Variants in RFTN2 observed in about 807,000 individuals in gnomAD.
RFTN2 encodes the protein raftlin-2.
In RFTN2, 34 loss-of-function variants were observed where a neutral mutation model predicts 52.7. The ratio of observed to expected loss-of-function variants is 0.64; its 90% CI spans 0.49 to 0.86. The LOEUF (loss-of-function observed/expected upper bound fraction) is 0.86. Ranked by LOEUF, RFTN2 falls within the 40% of genes least tolerant of loss-of-function variation. RFTN2 has a pLI of 0.00. For missense variants in RFTN2, 536 were observed against 600.1 expected (o/e 0.89, Z 1.12); for synonymous variants, 203 against 217.7 (o/e 0.93, Z 0.59).
chr2:197,603,396 T>G lies in RFTN2; in HGVS notation c.1155-7327A>C, dbSNP rs186197834. Among the ~76,000 whole-genome samples, 402 of 152,306 alleles carry G rather than the reference T, an allele frequency of 2.6e-3. 3 individuals are homozygous for G. The highest frequency in any genetic ancestry group is 4.2e-3 in the Non-Finnish European group (288 of 68,024). On this transcript the variant is annotated intron_variant, in intron 7 of 8. Transcript: ENST00000295049. ...GTAAAAAGACAAGCCACAGAATTAGTGAAGATAATTGCAGCATGCATAACA... is the reference window on the plus strand; with the variant it reads ...GTAAAAAGACAAGCCACAGAATTAGGGAAGATAATTGCAGCATGCATAACA...
At chr2:197,659,516 A>G (rs1438917730) in intron 1 of RFTN2, among the ~76,000 whole-genome samples, 1 of 150,468 alleles carries the variant, frequency 6.6e-6, no homozygotes, top group Non-Finnish European at 1.5e-5. Context: ...TTATTTCCTC[A>G]GATAAAAATA....
intron 5 of RFTN2, among the ~76,000 whole-genome samples, chr2:197,628,524 A>G (rs2088406629): frequency 6.6e-6 from 1 of 152,246 alleles, no homozygotes; most frequent in African/African-American, 2.4e-5. Context: ...GATTGTGAAA[A>G]GTGTATGTTT....
At chr2:197,667,569 A>G (rs1359061194) in intron 1 of RFTN2, among the ~76,000 whole-genome samples, 2 of 152,184 alleles carry the variant, frequency 1.3e-5, no homozygotes, top group East Asian at 3.9e-4. Flanking sequence ...ACTTCTTCCA[A>G]TTTTTTGAAC....
chr2:197,573,920 CAGAAGTCAGGAAATGGGGTT>C (rs1416378942), intron 8 of RFTN2, among the ~76,000 whole-genome samples: 4 of 152,204 alleles, frequency 2.6e-5, no homozygotes, highest in African/African-American at 9.6e-5. Flanking sequence ...TGTGGGTACA[CAGAAGTCAGGAAATGGGGTT>C]TGGGAACCTC....
chr2:197,591,850 G>C (rs1015704914), intron 8 of RFTN2, among the ~76,000 whole-genome samples: 1 of 151,630 alleles, frequency 6.6e-6, no homozygotes, highest in Non-Finnish European at 1.5e-5. Context: ...TGGGCCCACC[G>C]AGCCCACGCC....
At chr2:197,646,461 C>G (rs2088749812) in intron 2 of RFTN2, 22 bp downstream of exon 2, 5 of 1,585,174 alleles carry the variant, frequency 3.2e-6, no homozygotes, top group Non-Finnish European at 4.3e-6. Flanking sequence ...TCACCTGCCT[C>G]TTTCTTGAAT....
rs1025088629 is a variant in RFTN2 at position 197,570,113 on chromosome 2, T to A, written c.*1895A>T. The A allele has an allele frequency of 1.3e-5, 2 of 152,154 alleles. No individual in the cohort carries two copies. The highest frequency in any genetic ancestry group is 2.9e-5 in the Non-Finnish European group (2 of 68,044). The allele number at this position is 152,154 out of a possible 1,614,324, so 9.4% of individuals were successfully genotyped here. On this transcript the variant is annotated 3_prime_UTR_variant, in exon 9 of 9. Coordinates refer to ENST00000295049, the MANE Select transcript of RFTN2 (RefSeq NM_144629.3). ...GGGAAAAACAGATCTTTCTGATTTG[T>A]TCTTTGTGCTTCCTAACTTCATTAC...
intron 1 of RFTN2, among the ~76,000 whole-genome samples, chr2:197,658,474 G>A (rs2088926041): frequency 6.6e-6 from 1 of 151,394 alleles, no homozygotes; most frequent in African/African-American, 2.4e-5. Flanking sequence ...TTTGGCAGAG[G>A]TGGGGTTTCT....
At chr2:197,659,983 T>A (rs1301075628) in intron 1 of RFTN2, among the ~76,000 whole-genome samples, 1 of 152,242 alleles carries the variant, frequency 6.6e-6, no homozygotes, top group Non-Finnish European at 1.5e-5. Flanking sequence ...TGCCAATTCT[T>A]AATTACTCAT....
At chr2:197,615,634 T>A (rs1458226683) in intron 7 of RFTN2, among the ~76,000 whole-genome samples, 5 of 152,208 alleles carry the variant, frequency 3.3e-5, no homozygotes, top group African/African-American at 1.2e-4. Context: ...TACTGTGTCC[T>A]AAACCTGGCT....
chr2:197,614,542 A>G (rs937256760), intron 7 of RFTN2, among the ~76,000 whole-genome samples: 2 of 152,226 alleles, frequency 1.3e-5, no homozygotes, highest in African/African-American at 4.8e-5. Context: ...CCCTCTGCAG[A>G]TGGCAAAACT....
intron 5 of RFTN2, 126 bp from the exon 6 acceptor site, chr2:197,618,047 G>GCCCCCT (rs911311374): frequency 1.7e-5 from 10 of 581,478 alleles, no homozygotes; most frequent in African/African-American, 6.6e-5. Context: ...AACATTTGTT[G>GCCCCCT]CCCCCTCCCC....
chr2:197,594,162 C>T (rs1022282846), intron 8 of RFTN2, among the ~76,000 whole-genome samples: 6 of 150,808 alleles, frequency 4.0e-5, no homozygotes, highest in East Asian at 4.1e-4. Context: ...ACGACAGGCA[C>T]GTGCCACCAC....
chr2:197,590,955 T>TTGCCACTGCTGGC (rs1490439506), intron 8 of RFTN2, among the ~76,000 whole-genome samples: 7 of 152,214 alleles, frequency 4.6e-5, no homozygotes, highest in Non-Finnish European at 8.8e-5. Context: ...GCCCAGCAGG[T>TTGCCACTGCTGGC]TGCCACTGCT....
intron 8 of RFTN2, among the ~76,000 whole-genome samples, chr2:197,577,568 G>T (rs1445560060): frequency 6.6e-6 from 1 of 152,246 alleles, no homozygotes; most frequent in Non-Finnish European, 1.5e-5. Context: ...GCATTGGTCA[G>T]CAAGGATACA....
chr2:197,632,450 T>C (rs1445121219), intron 4 of RFTN2, among the ~76,000 whole-genome samples: 1 of 152,214 alleles, frequency 6.6e-6, no homozygotes, highest in African/African-American at 2.4e-5. Context: ...CCTGCCACCA[T>C]GTGAAGAAGG....
intron 4 of RFTN2, among the ~76,000 whole-genome samples, chr2:197,631,802 C>T (rs932309233): frequency 6.6e-6 from 1 of 152,136 alleles, no homozygotes; most frequent in East Asian, 1.9e-4. Flanking sequence ...ATATCTTCTG[C>T]TTTACTAGGA....
intron 1 of RFTN2, among the ~76,000 whole-genome samples, chr2:197,647,369 C>A (rs1373101888): frequency 6.6e-6 from 1 of 152,048 alleles, no homozygotes; most frequent in Non-Finnish European, 1.5e-5. Flanking sequence ...GCCACCACAC[C>A]CGGCTGAGTT....
intron 3 of RFTN2, among the ~76,000 whole-genome samples, chr2:197,642,934 G>A (rs1470930545): frequency 6.6e-6 from 1 of 152,128 alleles, no homozygotes; most frequent in African/African-American, 2.4e-5. Context: ...AGCTATGATT[G>A]TGCCACTATA....
Sources: allele counts gnomAD v4.1 joint callset (sites outside exome capture counted in the v4.1 genomes callset), GRCh38; gene constraint gnomAD v4.1.1; transcripts MANE v1.5; gene names NCBI Gene and HGNC (gene_info 2026-07-23, HGNC 2026-07-21).